CR1L: variants seen among roughly 807,000 people sequenced by gnomAD.
CR1L encodes complement component receptor 1-like protein.
A neutral mutation model predicts 62.3 loss-of-function variants in CR1L; 59 were observed. The ratio of observed to expected loss-of-function variants is 0.95; its 90% confidence interval spans 0.77 to 1.18. The LOEUF is 1.18. Ranked by LOEUF, CR1L falls within the 50% of genes most tolerant of loss-of-function variation. The pLI is 0.00. For missense variants in CR1L, 700 were observed against 702.8 expected, an observed-to-expected ratio of 1.00 and a Z score of 0.04; for synonymous variants, 279 against 248.7, an observed-to-expected ratio of 1.12 and a Z score of -1.15.
chr1:207,717,687 TGC>T lies in CR1L; in HGVS notation c.1639_1640del (p.Ala547TrpfsTer4). 6.2e-7 allele frequency: 1 copy of T among 1,613,988 alleles called. No homozygotes were observed. Among genetic ancestry groups the T allele is most frequent in the Non-Finnish European group, 8.5e-7 (1 of 1,179,876 alleles). On this transcript the variant is annotated frameshift_variant and splice_region_variant, in exon 11 of 12. Transcript: ENST00000508064. LOFTEE classifies it low-confidence loss of function (END_TRUNC). ...CCCCTCGCTGTGAACTTCCTGTTGG[TGC>T]TGGTCAGTATCCGCTTCCACATATC... ...PAPRCELPVG[A>X]GSHDALIVGK...
intron 1 of CR1L, among the ~76,000 whole-genome samples, chr1:207,659,629 C>A (rs955380231): frequency 1.3e-5 from 2 of 152,192 alleles, no homozygotes; most frequent in African/African-American, 2.4e-5. Flanking sequence ...ACTGAAGTAC[C>A]TGGTTCATCT....
intron 10 of CR1L, among the ~76,000 whole-genome samples, chr1:207,712,936 C>A (rs770145843): frequency 1.3e-5 from 2 of 151,934 alleles, no homozygotes; most frequent in African/African-American, 4.8e-5. Flanking sequence ...AATTAAGGAG[C>A]TGACCTAGTA....
chr1:207,720,367 C>T (rs2761423), intron 11 of CR1L, among the ~76,000 whole-genome samples: 1,899 of 152,162 alleles, frequency 0.012, 27 homozygotes, highest in Non-Finnish European at 0.016. Flanking sequence ...TTCCCTAAGA[C>T]TTGGGATAGA....
At chr1:207,690,710 G>C (rs190730327) in intron 4 of CR1L, among the ~76,000 whole-genome samples, 5 of 152,326 alleles carry the variant, frequency 3.3e-5, no homozygotes, top group Admixed American at 6.5e-5. Flanking sequence ...ATCCAGTTAA[G>C]ATGTCAATAG....
intron 10 of CR1L, chr1:207,710,564 G>A (rs887453125): frequency 7.1e-5 from 114 of 1,609,776 alleles, no homozygotes; most frequent in Non-Finnish European, 8.6e-5. Context: ...TCAAGTGGTC[G>A]TCTGGAGCGG....
chr1:207,700,350 G>T (rs996623885), intron 8 of CR1L, among the ~76,000 whole-genome samples: 1 of 152,176 alleles, frequency 6.6e-6, no homozygotes, highest in African/African-American at 2.4e-5. Context: ...ATGCATGAAA[G>T]CTCATTGATT....
intron 4 of CR1L, among the ~76,000 whole-genome samples, chr1:207,691,472 TTAA>T (rs1376104669): frequency 6.6e-6 from 1 of 151,920 alleles, no homozygotes; most frequent in Non-Finnish European, 1.5e-5. Context: ...ACATTTAAAT[TTAA>T]TAATAAAAAG....
intron 8 of CR1L, among the ~76,000 whole-genome samples, chr1:207,699,806 C>A (rs1233881152): frequency 6.6e-6 from 1 of 151,992 alleles, no homozygotes; most frequent in East Asian, 1.9e-4. Flanking sequence ...TAGCAATGAA[C>A]AAGATGAGTG....
At chr1:207,701,661 A>G (rs560985764) in intron 9 of CR1L, 43 bp downstream of exon 9, 3 of 1,612,254 alleles carry the variant, frequency 1.9e-6, no homozygotes, top group Middle Eastern at 1.7e-4. Context: ...GTTCCAGCAC[A>G]GCAATACTAC....
chr1:207,718,054 T>C (rs1490503247), intron 11 of CR1L, among the ~76,000 whole-genome samples: 1 of 152,210 alleles, frequency 6.6e-6, no homozygotes, highest in Non-Finnish European at 1.5e-5. Flanking sequence ...CCTGGAGAGA[T>C]GGATGTGCTG....
chr1:207,709,466 C>A (rs2102478334), intron 10 of CR1L, among the ~76,000 whole-genome samples: 1 of 152,148 alleles, frequency 6.6e-6, no homozygotes, highest in South Asian at 2.1e-4. Context: ...AAGACACATG[C>A]CTTCTATATA....
chr1:207,723,632 C>G lies in CR1L; in HGVS notation c.1657C>G (p.Leu553Val). The G allele has an allele frequency of 6.3e-7, 1 of 1,596,734 alleles. No homozygotes were observed. Among genetic ancestry groups the G allele is most frequent in the Non-Finnish European group, 8.5e-7 (1 of 1,170,216 alleles). The change falls in exon 12 of 12, where the codon CTT becomes GTT. Residue 553 changes from leucine to valine, a missense_variant. Transcript: ENST00000508064. ...LPVGAGSHDA[L>V]IVGKFYEVFA... ...CTTCCTTTTAGGTTCACATGATGCT[C>G]TTATAGTTGGTAAGTTTTATGAAGT...
At chr1:207,663,654 A>C (rs1421420088) in intron 1 of CR1L, among the ~76,000 whole-genome samples, 1 of 151,916 alleles carries the variant, frequency 6.6e-6, no homozygotes, top group Non-Finnish European at 1.5e-5. Flanking sequence ...ACTGTCCTGC[A>C]CTCCCCAGTG....
chr1:207,704,030 C>A (rs1446980502), intron 9 of CR1L, among the ~76,000 whole-genome samples: 1 of 152,202 alleles, frequency 6.6e-6, no homozygotes, highest in Non-Finnish European at 1.5e-5. Flanking sequence ...AGTAATTCCT[C>A]TGATGGATCT....
intron 5 of CR1L, among the ~76,000 whole-genome samples, 191 bp from the exon 6 acceptor site, chr1:207,697,312 T>G (rs919177409): frequency 6.6e-6 from 1 of 152,256 alleles, no homozygotes; most frequent in African/African-American, 2.4e-5. Context: ...TTGTGCAATG[T>G]GTCAGTTCTA....
chr1:207,698,880 CTAA>C (rs1347430037), intron 7 of CR1L, among the ~76,000 whole-genome samples: 2 of 152,138 alleles, frequency 1.3e-5, no homozygotes, highest in Admixed American at 1.3e-4. Context: ...GACTGGGTTT[CTAA>C]TAATGACAAT....
chr1:207,662,590 G>A (rs1025838802), intron 1 of CR1L, among the ~76,000 whole-genome samples: 2 of 151,962 alleles, frequency 1.3e-5, no homozygotes, highest in African/African-American at 4.8e-5. Flanking sequence ...CCATGGGTTC[G>A]AACTTCCTCC....
At chr1:207,678,116 T>C in intron 2 of CR1L, 82 bp from the exon 3 acceptor site, 7 of 1,207,884 alleles carry the variant, frequency 5.8e-6, no homozygotes, top group Non-Finnish European at 8.6e-6. Context: ...CTCAGTAAGC[T>C]ATAGGCAGGT....
intron 9 of CR1L, among the ~76,000 whole-genome samples, chr1:207,705,333 C>T (rs1664250515): frequency 6.6e-6 from 1 of 152,196 alleles, no homozygotes; most frequent in African/African-American, 2.4e-5. Context: ...GACTTCCCAA[C>T]ATATTTGGGG....
Sources: allele counts gnomAD v4.1 joint callset (sites outside exome capture counted in the v4.1 genomes callset), GRCh38; gene constraint gnomAD v4.1.1; transcripts MANE v1.5; gene names NCBI Gene and HGNC (gene_info 2026-07-23, HGNC 2026-07-21).